FAM234B: variants seen among roughly 807,000 people sequenced by gnomAD.
FAM234B encodes the protein family with sequence similarity 234 member B.
Under a neutral mutation model 69.3 loss-of-function variants are expected in FAM234B, and 33 were observed. The observed-to-expected ratio is 0.48, with a 90% CI of 0.36 to 0.64. The LOEUF (loss-of-function observed/expected upper bound fraction) is 0.64, where lower values mean the gene tolerates loss of function less well. FAM234B is among the 30% of genes least tolerant of loss of function. The probability of loss-of-function intolerance (pLI) is 0.00; values close to 1 mark genes in which losing one functional copy is unlikely to be tolerated. For synonymous variants in FAM234B, 306 were observed against 306.9 expected (o/e 1.00, Z 0.03); for missense variants, 697 against 769.7 (o/e 0.91, Z 1.12).
rs1865047202 is a variant in FAM234B, at chr12:13,067,038, TCTGGG to T, written c.1001-115_1001-111del. On this transcript the variant is annotated intron_variant, in intron 6 of 12. Transcript: ENST00000197268. The surrounding 1 kb of genome is among the most constrained non-coding windows in gnomAD (Gnocchi z 4.7). ...TCCCCACTTGTTCCGTGTTGTCCAGTCTGGGCGGGCTCTGTTAGACCCATCTGGTC... is the reference window on the plus strand; with the variant it reads ...TCCCCACTTGTTCCGTGTTGTCCAGTCGGGCTCTGTTAGACCCATCTGGTC... 2 of 1,211,682 alleles carry T rather than the reference TCTGGG, an allele frequency of 1.7e-6. No homozygotes were observed. Among genetic ancestry groups the T allele is most frequent in the South Asian group, 2.7e-5 (2 of 72,828 alleles). The allele number at this position is 1,211,682 out of a possible 1,614,324, so 75.1% of individuals were successfully genotyped here. A position where few individuals can be genotyped will look rare whatever the true frequency, so the allele number is the denominator to read the frequency against.
intron 3 of FAM234B, 25 bp downstream of exon 3, chr12:13,058,574 C>T: frequency 6.3e-7 from 1 of 1,581,052 alleles, no homozygotes; most frequent in Non-Finnish European, 8.7e-7. Flanking sequence ...TTTTTCAAGG[C>T]TGCTACAGGG....
intron 1 of FAM234B, among the ~76,000 whole-genome samples, chr12:13,045,719 C>T (rs746328256): frequency 2.6e-5 from 4 of 152,046 alleles, no homozygotes; most frequent in Non-Finnish European, 4.4e-5. Flanking sequence ...AAAGGAGAGA[C>T]GTGGCCCTTT....
At chr12:13,079,744 C>T (rs746131697) in intron 11 of FAM234B, 45 bp from the exon 12 acceptor site, 12 of 1,199,248 alleles carry the variant, frequency 1.0e-5, no homozygotes, top group East Asian at 7.0e-5. Flanking sequence ...TGTTAGTGGA[C>T]GGTATGTGTC....
chr12:13,055,573 G>T lies in FAM234B; in HGVS notation c.60G>T (p.Gly20=). The T allele has an allele frequency of 6.2e-7, 1 of 1,607,276 alleles. No homozygotes were observed. Among genetic ancestry groups the T allele is most frequent in the Non-Finnish European group, 8.5e-7 (1 of 1,174,260 alleles). The change falls in exon 2 of 13, where the codon GGG becomes GGT. Residue 20 remains glycine (G), a synonymous_variant. Coordinates refer to ENST00000197268, the MANE Select transcript of FAM234B (RefSeq NM_020853.2). The part of the protein sequence containing the change: ...KLPGKKSPDL[G]EYDPLTQADS... ...CAGGGAAGAAGAGCCCAGACCTAGG[G>T]GAGTATGATCCACTTACCCAGGCTG...
At chr12:13,070,210 T>TAA (rs1318830612) in intron 9 of FAM234B, among the ~76,000 whole-genome samples, 2 of 140,532 alleles carry the variant, frequency 1.4e-5, no homozygotes, top group African/African-American at 5.2e-5. Context: ...TATATATATA[T>TAA]AAAATGAAAT....
intron 1 of FAM234B, among the ~76,000 whole-genome samples, chr12:13,050,067 T>A (rs1442022013): frequency 6.6e-6 from 1 of 152,212 alleles, no homozygotes; most frequent in Non-Finnish European, 1.5e-5. Flanking sequence ...AGGAGGAGGC[T>A]TTGCACAGGA....
chr12:13,063,192 G>C (rs939833235), intron 5 of FAM234B, among the ~76,000 whole-genome samples: 2 of 152,154 alleles, frequency 1.3e-5, no homozygotes, highest in African/African-American at 4.8e-5. Flanking sequence ...GGGTGTAGTG[G>C]AGCTTTAGAG....
Position 13,064,422 on chromosome 12 carries a change from A to G in FAM234B, c.852+1447A>G, listed in dbSNP as rs143874567. Among the ~76,000 whole-genome samples the G allele has an allele frequency of 9.0e-3, 1,371 of 152,270 alleles. 27 individuals carry two copies. The highest frequency in any genetic ancestry group is 0.031 in the African/African-American group (1,297 of 41,536). The stretch of plus-strand genomic sequence containing the variant: ...TGAACAAGTTTTTAAGTCGTGATTG[A>G]ATTTAGAAATCTTGGTCTAACCATC... On this transcript the variant is annotated intron_variant, in intron 5 of 12. Transcript: ENST00000197268.
At position 13,055,889 on chromosome 12, in the gene FAM234B, C is replaced by T. The variant is rs1300982495; in HGVS notation, c.376C>T (p.Pro126Ser). 2.1e-5 allele frequency: 34 copies of T among 1,610,212 alleles called. No individual in the cohort carries two copies. The highest frequency in any genetic ancestry group is 1.9e-4 in the South Asian group (17 of 90,314). The part of the protein sequence containing the change: ...ILVLLCAFLI[P>S]CPPRDLHSTW... Reference sequence around the variant, plus strand: ...GGTGCTCCTGTGTGCTTTCCTGATCCCCTGTCCTCCCAGAGATCTGCACAG... The same window carrying T: ...GGTGCTCCTGTGTGCTTTCCTGATCTCCTGTCCTCCCAGAGATCTGCACAG... Residue 126 changes from proline (P) to serine (S), a missense_variant, in exon 2 of 13, where the codon CCC becomes TCC. Physicochemically the swap from Pro to Ser is moderately conservative, Grantham distance 74. Around this residue, in one of 3 missense-constraint regions of FAM234B, gnomAD observed 380 missense variants for 447.1 expected, o/e 0.85. Transcript: ENST00000197268.
chr12:13,068,612 C>T lies in FAM234B; in HGVS notation c.1287-18C>T. On this transcript the variant is annotated intron_variant, in intron 8 of 12. Coordinates refer to ENST00000197268, the MANE Select transcript of FAM234B (RefSeq NM_020853.2). ...TTTCTTGTTCACTATTGATTGCTTA[C>T]TTTGTCCTTATTTGCAGCCAGCCTA... 6.2e-7 allele frequency: 1 copy of T among 1,605,314 alleles called. No homozygotes were observed. The highest frequency in any genetic ancestry group is 8.5e-7 in the Non-Finnish European group (1 of 1,173,000).
chr12:13,072,833 C>T (rs1173355141), intron 10 of FAM234B, among the ~76,000 whole-genome samples: 1 of 151,812 alleles, frequency 6.6e-6, no homozygotes, highest in Non-Finnish European at 1.5e-5. Context: ...CCCTAAAGAA[C>T]TGAGGGTCCT....
chr12:13,080,108 T>C (rs769751398), intron 12 of FAM234B, 99 bp downstream of exon 12: 7 of 838,998 alleles, frequency 8.3e-6, no homozygotes, highest in Non-Finnish European at 1.3e-5. Flanking sequence ...GGGAACTTTC[T>C]TGAGTAGATG....
chr12:13,081,313 A>G lies in FAM234B; in HGVS notation c.*683A>G, dbSNP rs1865223667. 1 of 152,266 alleles carries G rather than the reference A, an allele frequency of 6.6e-6. No individual in the cohort carries two copies. The highest frequency in any genetic ancestry group is 2.1e-4 in the South Asian group (1 of 4,838). The allele number at this position is 152,266 out of a possible 1,614,324, so 9.4% of individuals were successfully genotyped here. Reference sequence around the variant, plus strand: ...CCATCCATGTCTATTAAGTGACCACAAGAATAACTATATTCCTATCACAAG... The same window carrying G: ...CCATCCATGTCTATTAAGTGACCACGAGAATAACTATATTCCTATCACAAG... On this transcript the variant is annotated 3_prime_UTR_variant, in exon 13 of 13. Transcript: ENST00000197268.
At chr12:13,071,489 C>A in intron 10 of FAM234B, 93 bp downstream of exon 10, 1 of 1,224,358 alleles carries the variant, frequency 8.2e-7, no homozygotes, top group Non-Finnish European at 1.2e-6. Flanking sequence ...TTTGACCCAT[C>A]ACTTTCCAAG....
At position 13,077,269 on chromosome 12, in the gene FAM234B, T is replaced by A. The variant is rs560064217; in HGVS notation, c.1642+1126T>A. ...TATTTTATTTTATTTATTCATTTTT[T>A]AAATTTTATTATTATTATACTTTAA... is the stretch of plus-strand genomic sequence containing the variant. On this transcript the variant is annotated intron_variant, in intron 11 of 12. Transcript: ENST00000197268. Among the ~76,000 whole-genome samples the A allele has an allele frequency of 9.3e-4, 141 of 152,266 alleles. 1 individual carries two copies. The highest frequency in any genetic ancestry group is 3.4e-3 in the Middle Eastern group (1 of 294).
intron 9 of FAM234B, among the ~76,000 whole-genome samples, chr12:13,069,205 A>T (rs1865074672): frequency 2.0e-5 from 3 of 152,198 alleles, no homozygotes. Context: ...GAAAGGATAG[A>T]GCATGTTCCA....
Position 13,044,496 on chromosome 12 carries a change from A to G in FAM234B, c.37+56A>G. On this transcript the variant is annotated intron_variant, in intron 1 of 12. Transcript: ENST00000197268. The surrounding 1 kb of genome is among the most constrained non-coding windows in gnomAD (Gnocchi z 5.6). ...TCCCCGCCGGTGTTGGAATAAGGGGAGGCGAGGCTCTGGGGGCGAGGCCGG... is the reference window on the plus strand; with the variant it reads ...TCCCCGCCGGTGTTGGAATAAGGGGGGGCGAGGCTCTGGGGGCGAGGCCGG... 6.5e-7 allele frequency: 1 copy of G among 1,539,692 alleles called. No individual in the cohort carries two copies. Among genetic ancestry groups the G allele is most frequent in the Non-Finnish European group, 8.8e-7 (1 of 1,137,186 alleles).
chr12:13,055,562 C>A lies in FAM234B; in HGVS notation c.49C>A (p.Pro17Thr). The stretch of plus-strand genomic sequence containing the variant: ...TTCTGTATTTTCAGGGAAGAAGAGC[C>A]CAGACCTAGGGGAGTATGATCCACT... ...RALKLPGKKSPDLGEYDPLTQ... is the reference protein window; with the variant it reads ...RALKLPGKKSTDLGEYDPLTQ... The change falls in exon 2 of 13, where the codon CCA becomes ACA. Residue 17 changes from proline to threonine, a missense_variant. Transcript: ENST00000197268. 1.3e-6 allele frequency: 2 copies of A among 1,593,646 alleles called. No homozygotes were observed. Among genetic ancestry groups the A allele is most frequent in the Non-Finnish European group, 1.7e-6 (2 of 1,163,726 alleles).
chr12:13,074,821 A>G (rs1316925680), intron 10 of FAM234B, among the ~76,000 whole-genome samples: 1 of 152,098 alleles, frequency 6.6e-6, no homozygotes, highest in Non-Finnish European at 1.5e-5. Flanking sequence ...CTTCCTGCTC[A>G]CACTTCTCCT....
Sources: gnomAD v4.1 joint callset for allele counts (sites outside exome capture counted in the v4.1 genomes callset) on GRCh38, gnomAD v4.1.1 for gene constraint, gnomAD v4.1.1 regional missense constraint, Gnocchi (gnomAD v3.1) non-coding constraint, MANE v1.5 for transcripts, NCBI Gene and HGNC (gene_info 2026-07-23, HGNC 2026-07-21) for gene names.